FRMPD4: variants seen among roughly 807,000 people sequenced by gnomAD.
FRMPD4 encodes the protein FERM and PDZ domain containing 4, also known as FERM and PDZ domain-containing protein 4.
Under a neutral mutation model 94.1 loss-of-function variants are expected in FRMPD4, and 22 were observed. The observed-to-expected ratio is 0.23, with a 90% confidence interval of 0.17 to 0.33. FRMPD4 has a LOEUF of 0.33. Ranked by LOEUF, FRMPD4 falls within the 10% of genes least tolerant of loss-of-function variation. The pLI is 1.00. For missense variants in FRMPD4, 1,111 were observed against 1,339.9 expected, an observed-to-expected ratio of 0.83 and a Z score of 2.67; for synonymous variants, 631 against 548.6, an observed-to-expected ratio of 1.15 and a Z score of -2.10.
chrX:12,176,863 A>G (rs761690414), intron 1 of FRMPD4, among the ~76,000 whole-genome samples: 12 of 112,248 alleles, frequency 1.1e-4, no homozygotes, highest in African/African-American at 3.2e-4. Flanking sequence ...GGCCTGCCAT[A>G]GTCATGTCTG....
chrX:12,137,352 C>T (rs931439242), upstream of FRMPD4, among the ~76,000 whole-genome samples: 2 of 112,898 alleles, frequency 1.8e-5, no homozygotes, highest in African/African-American at 3.2e-5. Context: ...ATACTGAAGA[C>T]TTTAAATATA....
Position 12,122,119 on chromosome X carries a change from G to A in FRMPD4, c.95+244101G>A, listed in dbSNP as rs190097597. On this transcript the variant is annotated intron_variant, in intron 3 of 18. Coordinates refer to the FRMPD4 transcript ENST00000640291. ...GCCCAAGTTCTCACAGCTAGAAAGT[G>A]GCAGGAGTAGGACACAAACATATGT... Among the ~76,000 whole-genome samples, 335 of 111,818 alleles carry A rather than the reference G, an allele frequency of 3.0e-3. 1 individual carries two copies. The highest frequency in any genetic ancestry group is 0.01 in the African/African-American group (308 of 30,770).
At chrX:12,222,003 G>GA (rs1569196703) in intron 1 of FRMPD4, among the ~76,000 whole-genome samples, 1 of 111,396 alleles carries the variant, frequency 9.0e-6, no homozygotes, top group Non-Finnish European at 1.9e-5. Flanking sequence ...ACAACAGTAT[G>GA]AAAAAATATG....
At position 11,989,472 on chromosome X, in the gene FRMPD4, A is replaced by G. The variant is rs745515636; in HGVS notation, c.95+111454A>G. Among the ~76,000 whole-genome samples the G allele has an allele frequency of 2.8e-5, 3 of 108,422 alleles. No individual in the cohort carries two copies. In the East Asian group the frequency reaches 8.8e-4, roughly 32 times the overall value. 94.2% of individuals were successfully genotyped at this position (108,422 alleles called of 115,157 possible). A position where few individuals can be genotyped will look rare whatever the true frequency, so the allele number is the denominator to read the frequency against. ...GGAGATAGAGAGTAGAAGGATGGTT[A>G]CCAGAGGCTGAGAAGGGTAGTGGGG... On this transcript the variant is annotated intron_variant, in intron 3 of 18. Transcript: ENST00000640291.
intron 1 of FRMPD4, among the ~76,000 whole-genome samples, chrX:12,446,157 T>C (rs2057192525): frequency 8.9e-6 from 1 of 112,310 alleles, no homozygotes; most frequent in Admixed American, 9.4e-5. Context: ...TAATCTTGTT[T>C]GATCAAAACC....
intron 1 of FRMPD4, among the ~76,000 whole-genome samples, chrX:12,394,845 T>C (rs1202842476): frequency 8.9e-6 from 1 of 111,948 alleles, no homozygotes; most frequent in East Asian, 2.8e-4. Context: ...ATATGGAGTA[T>C]AGAGTACCTG....
At chrX:12,661,838 AC>A (rs1569395415) in intron 4 of FRMPD4, among the ~76,000 whole-genome samples, 1 of 111,603 alleles carries the variant, frequency 9.0e-6, no homozygotes, top group Non-Finnish European at 1.9e-5. Flanking sequence ...AAAGCAATAA[AC>A]CCCCATTTCA....
At chrX:12,108,074 G>T (rs1467977630) in intron 3 of FRMPD4, among the ~76,000 whole-genome samples, 1 of 111,104 alleles carries the variant, frequency 9.0e-6, no homozygotes, top group Admixed American at 9.6e-5. Flanking sequence ...CACAGAGAAC[G>T]CCACAAAGAT....
intron 9 of FRMPD4, among the ~76,000 whole-genome samples, chrX:12,696,603 A>AAAAAAAAAAAAAAAC: frequency 9.2e-6 from 1 of 108,546 alleles, no homozygotes; most frequent in Non-Finnish European, 1.9e-5. Flanking sequence ...AAAAAAAAAA[A>AAAAAAAAAAAAAAAC]AAAGACACAC....
chrX:12,117,505 C>T (rs1364323201), intron 3 of FRMPD4, among the ~76,000 whole-genome samples: 1 of 111,452 alleles, frequency 9.0e-6, no homozygotes, highest in Non-Finnish European at 1.9e-5. Flanking sequence ...CCTAATGTTG[C>T]CATTTAGCTC....
At chrX:12,426,107 C>G (rs993589260) in intron 1 of FRMPD4, among the ~76,000 whole-genome samples, 1 of 112,268 alleles carries the variant, frequency 8.9e-6, no homozygotes, top group Non-Finnish European at 1.9e-5. Context: ...TTTTAAAATA[C>G]ATTTTGACAA....
At chrX:11,942,802 A>G (rs2054168270) in intron 3 of FRMPD4, among the ~76,000 whole-genome samples, 1 of 111,909 alleles carries the variant, frequency 8.9e-6, no homozygotes, top group African/African-American at 3.2e-5. Flanking sequence ...TAGCTAGTTC[A>G]ATAACATTTT....
At chrX:11,920,440 C>T (rs773116312) in intron 3 of FRMPD4, among the ~76,000 whole-genome samples, 1 of 111,789 alleles carries the variant, frequency 8.9e-6, no homozygotes, top group East Asian at 2.8e-4. Context: ...ATCACAGTAT[C>T]TTCTGTACGG....
At chrX:12,158,646 G>A (rs990665070) in intron 1 of FRMPD4, among the ~76,000 whole-genome samples, 1 of 111,486 alleles carries the variant, frequency 9.0e-6, no homozygotes, top group Admixed American at 9.5e-5. Flanking sequence ...TTTCACTTAA[G>A]TCATGTTTAT....
intron 1 of FRMPD4, among the ~76,000 whole-genome samples, chrX:12,265,517 G>A (rs1169986529): frequency 2.7e-5 from 3 of 111,671 alleles, no homozygotes; most frequent in Non-Finnish European, 5.6e-5. Flanking sequence ...CCATATACGT[G>A]TTTAAAGGGC....
intron 3 of FRMPD4, among the ~76,000 whole-genome samples, chrX:12,085,009 A>G (rs1271451536): frequency 2.7e-5 from 3 of 112,298 alleles, no homozygotes; most frequent in Non-Finnish European, 3.8e-5. Context: ...AAATGCCTAT[A>G]GTCTCAACCC....
At chrX:12,032,491 T>A (rs1037717762) in intron 3 of FRMPD4, among the ~76,000 whole-genome samples, 1 of 112,184 alleles carries the variant, frequency 8.9e-6, no homozygotes, top group East Asian at 2.8e-4. Flanking sequence ...AGTGGAATCA[T>A]TTGCCCTTAA....
At chrX:12,705,829 G>A (rs1325038441) in intron 11 of FRMPD4, among the ~76,000 whole-genome samples, 1 of 111,772 alleles carries the variant, frequency 8.9e-6, no homozygotes, top group African/African-American at 3.3e-5. Flanking sequence ...TGTTTTTCTA[G>A]CCAAGAGTGA....
chrX:12,295,134 G>A (rs771302789), intron 1 of FRMPD4, among the ~76,000 whole-genome samples: 2 of 111,879 alleles, frequency 1.8e-5, no homozygotes, highest in African/African-American at 3.2e-5. Flanking sequence ...CATGCTTCCA[G>A]CTTATAAAGG....
Sources: gnomAD v4.1 joint callset for allele counts (sites outside exome capture counted in the v4.1 genomes callset) on GRCh38, gnomAD v4.1.1 for gene constraint, MANE v1.5 for transcripts, NCBI Gene and HGNC (gene_info 2026-07-23, HGNC 2026-07-21) for gene names.